Variants in MYRF observed in about 807,000 individuals in gnomAD.
The protein encoded by MYRF is myelin regulatory factor.
A neutral mutation model predicts 126.3 loss-of-function variants in MYRF; 16 were observed. The observed-to-expected ratio is 0.13, with a 90% CI of 0.09 to 0.19. The LOEUF is 0.19. Among genes scored for constraint, MYRF ranks in the 10% least tolerant of loss-of-function variants. MYRF has a pLI of 1.00. For missense variants in MYRF, 1,104 were observed against 1,547.0 expected (o/e 0.71, Z 4.80); for synonymous variants, 608 against 635.3 (o/e 0.96, Z 0.65).
intron 1 of MYRF, among the ~76,000 whole-genome samples, chr11:61,759,826 G>A (rs1411426802): frequency 6.6e-6 from 1 of 152,212 alleles, no homozygotes; most frequent in Non-Finnish European, 1.5e-5. Context: ...TCTTTGTCAG[G>A]TGTGGCTGCT....
chr11:61,765,858 C>A, intron 2 of MYRF, 100 bp from the exon 3 acceptor site: 1 of 1,446,176 alleles, frequency 6.9e-7, no homozygotes, highest in Non-Finnish European at 9.2e-7. Context: ...CAGCCACTGA[C>A]TCCTCCGAAA....
At position 61,786,341 on chromosome 11, in the gene MYRF, A is replaced by T; in HGVS notation, c.*198A>T. 1.6e-6 allele frequency: 1 copy of T among 610,936 alleles called. No individual in the cohort carries two copies. Among genetic ancestry groups the T allele is most frequent in the Non-Finnish European group, 2.9e-6 (1 of 345,162 alleles). 37.8% of individuals were successfully genotyped at this position (610,936 alleles called of 1,614,324 possible). ...GGTCGCCCCTCACGGCACAGAGGGA[A>T]CCTGAGAGCCAGAGACTTCTTGGGC... is the stretch of plus-strand genomic sequence containing the variant. On this transcript the variant is annotated 3_prime_UTR_variant, in exon 27 of 27. Transcript: ENST00000278836. The surrounding 1 kb of genome is among the most constrained non-coding windows in gnomAD (Gnocchi z 4.5).
intron 7 of MYRF, among the ~76,000 whole-genome samples, chr11:61,773,659 C>G (rs992285158): frequency 6.6e-6 from 1 of 152,168 alleles, no homozygotes; most frequent in Admixed American, 6.5e-5. Flanking sequence ...AGCCCTCCCC[C>G]ACTCAGGAGT....
intron 19 of MYRF, 84 bp downstream of exon 19, chr11:61,780,876 C>T: frequency 6.3e-7 from 1 of 1,583,622 alleles, no homozygotes; most frequent in East Asian, 2.3e-5. Context: ...CCTCTTCCTG[C>T]CCTCCTGCCT....
At chr11:61,768,197 G>A (rs2066117059) in intron 3 of MYRF, among the ~76,000 whole-genome samples, 1 of 152,086 alleles carries the variant, frequency 6.6e-6, no homozygotes, top group African/African-American at 2.4e-5. Context: ...ACTGGGGAGA[G>A]GTATTCACCA....
At position 61,778,943 on chromosome 11, in the gene MYRF, G is replaced by C. The variant is rs1477902716; in HGVS notation, c.2014-320G>C. The C allele has an allele frequency of 5.0e-6, 3 of 603,372 alleles. No individual in the cohort carries two copies. The highest frequency in any genetic ancestry group is 9.3e-6 in the Non-Finnish European group (3 of 321,858). 37.4% of individuals were successfully genotyped at this position (603,372 alleles called of 1,614,324 possible). On this transcript the variant is annotated intron_variant, in intron 14 of 26. Transcript: ENST00000278836. The surrounding 1 kb of genome is among the most constrained non-coding windows in gnomAD (Gnocchi z 4.6). ...CTGACATCTGAGACACCAGTCATCC[G>C]AGGGGCAGATCCCGGGGCTGCAGCC...
Position 61,766,125 on chromosome 11 carries a change from G to GCAA in MYRF, c.313_315dup (p.Asn105dup), listed in dbSNP as rs754990122. The GCAA allele has an allele frequency of 1.2e-6, 2 of 1,610,102 alleles. No individual in the cohort carries two copies. The highest frequency in any genetic ancestry group is 1.1e-5 in the South Asian group (1 of 91,074). ...CCGGGCTACGGCACCCCGCTGAACTGCAACAACAACAACGGCATGGGCGCT... is the reference window on the plus strand; with the variant it reads ...CCGGGCTACGGCACCCCGCTGAACTGCAACAACAACAACAACGGCATGGGCGCT... On this transcript the variant is annotated inframe_insertion, in exon 3 of 27. Transcript: ENST00000278836.
rs541612212 is a variant in MYRF, at chr11:61,777,519, G to A, written c.1791+55G>A. On this transcript the variant is annotated intron_variant, in intron 12 of 26. Transcript: ENST00000278836. This position sits in a 1 kb window ranked among gnomAD's most constrained non-coding sequence, Gnocchi z 8.8. The stretch of plus-strand genomic sequence containing the variant: ...GTCCAGACGCTGGAGCGGGCCGCGG[G>A]GGCGGGGCTCCTGGGGAGGGGGCGT... The A allele has an allele frequency of 5.2e-5, 80 of 1,531,196 alleles. No homozygotes were observed. Among genetic ancestry groups the A allele is most frequent in the Admixed American group, 2.8e-4 (14 of 50,668 alleles). The allele number at this position is 1,531,196 out of a possible 1,614,324, so 94.9% of individuals were successfully genotyped here. A position where few individuals can be genotyped will look rare whatever the true frequency, so the allele number is the denominator to read the frequency against.
chr11:61,783,903 CT>C lies in MYRF; in HGVS notation c.3173del (p.Leu1058ProfsTer3). On this transcript the variant is annotated frameshift_variant, in exon 24 of 27. Transcript: ENST00000278836. LOFTEE classifies it high-confidence loss of function. This position sits in a 1 kb window ranked among gnomAD's most constrained non-coding sequence, Gnocchi z 4.6. ...TGTCAGTAGTGGCACCCCACTGCACCTCAGCCTGACTCTGCAGATGAAGTGA... is the reference window on the plus strand; with the variant it reads ...TGTCAGTAGTGGCACCCCACTGCACCCAGCCTGACTCTGCAGATGAAGTGA... ...IPVSSGTPLH[L>X]SLTLQMNSSS... 6.2e-7 allele frequency: 1 copy of C among 1,607,466 alleles called. No individual in the cohort carries two copies. The highest frequency in any genetic ancestry group is 8.5e-7 in the Non-Finnish European group (1 of 1,176,576).
chr11:61,773,307 C>T (rs1022529223), intron 7 of MYRF, among the ~76,000 whole-genome samples: 2 of 152,248 alleles, frequency 1.3e-5, no homozygotes, highest in South Asian at 4.1e-4. Context: ...TTTTTACTGT[C>T]AACTAGAGGT....
At position 61,784,318 on chromosome 11, in the gene MYRF, G is replaced by A. The variant is rs780266914; in HGVS notation, c.3233G>A (p.Arg1078Lys). The change falls in exon 25 of 27, where the codon AGG (arginine) becomes AAG (lysine). Residue 1078 changes from arginine (R) to lysine (K), a missense_variant. Coordinates refer to ENST00000278836, the MANE Select transcript of MYRF (RefSeq NM_001127392.3). ...GTGTCTGTGGTGCTGTGCAGCCTGA[G>A]GTCAAAGGAGGAACCATGTGAGGAG... ...SPVSVVLCSLRSKEEPCEEGS... is the reference protein window; with the variant it reads ...SPVSVVLCSLKSKEEPCEEGS... 1.2e-6 allele frequency: 2 copies of A among 1,613,978 alleles called. No homozygotes were observed. The highest frequency in any genetic ancestry group is 2.2e-5 in the South Asian group (2 of 91,072).
In MYRF at chr11:61,783,794, TG is replaced by T; in HGVS notation, c.3120-52del. The T allele has an allele frequency of 1.3e-6, 2 of 1,518,798 alleles. No individual in the cohort carries two copies. Among genetic ancestry groups the T allele is most frequent in the Non-Finnish European group, 1.8e-6 (2 of 1,116,672 alleles). 94.1% of individuals were successfully genotyped at this position (1,518,798 alleles called of 1,614,324 possible). On this transcript the variant is annotated intron_variant, in intron 23 of 26. Transcript: ENST00000278836. This position sits in a 1 kb window ranked among gnomAD's most constrained non-coding sequence, Gnocchi z 4.6. ...AGATTGGGGGCTGAGGAGTCCCTGG[TG>T]GGGGTGGGGGGTGGCAGGGTACCCT...
In MYRF at chr11:61,771,575, T is replaced by G; in HGVS notation, c.816T>G (p.Asn272Lys). 1 of 1,613,850 alleles carries G rather than the reference T, an allele frequency of 6.2e-7. No homozygotes were observed. Among genetic ancestry groups the G allele is most frequent in the Non-Finnish European group, 8.5e-7 (1 of 1,179,932 alleles). ...GCACCCTCAATGCCCAGATGCTGAA[T>G]GGAATGATCAAACAGGAGCCTGGGA... is the stretch of plus-strand genomic sequence containing the variant. ...PPSTLNAQML[N>K]GMIKQEPGTV... Residue 272 changes from asparagine to lysine, a missense_variant, in exon 6 of 27, where the codon AAT (asparagine) becomes AAG (lysine). By Grantham distance (94) the Asn-to-Lys change is moderately conservative (BLOSUM62 0). This residue lies in a region of MYRF where 368 missense variants were observed against 403.9 expected (regional missense o/e 0.91). Coordinates refer to ENST00000278836, the MANE Select transcript of MYRF (RefSeq NM_001127392.3).
chr11:61,782,978 C>G (rs2066592586), intron 22 of MYRF: 2 of 153,160 alleles, frequency 1.3e-5, no homozygotes, highest in African/African-American at 2.4e-5. Context: ...CCTGTCTCCC[C>G]CATCTGACTT....
chr11:61,776,327 A>G lies in MYRF; in HGVS notation c.1394A>G (p.Asn465Ser), dbSNP rs150773605. 465 of 1,612,296 alleles carry G rather than the reference A, an allele frequency of 2.9e-4. 1 individual carries two copies. In the African/African-American group the frequency reaches 4.0e-3, roughly 14 times the overall value. Reference sequence around the variant, plus strand: ...ACCCTGCCTCTCCTCTGCAGGGTCAATCTGCCCCCTGAGCAGGTCACGAAG... The same window carrying G: ...ACCCTGCCTCTCCTCTGCAGGGTCAGTCTGCCCCCTGAGCAGGTCACGAAG... ...SKRPFNPVTV[N>S]LPPEQVTKVT... is the part of the protein sequence containing the mutation. Residue 465 changes from asparagine to serine, a missense_variant, in exon 10 of 27, where the codon AAT becomes AGT. Asn to Ser is a conservative substitution (Grantham distance 46). This residue lies in a region of MYRF where 23 missense variants were observed against 26.6 expected (regional missense o/e 0.86). Coordinates refer to ENST00000278836, the MANE Select transcript of MYRF (RefSeq NM_001127392.3). This position sits in a 1 kb window ranked among gnomAD's most constrained non-coding sequence, Gnocchi z 4.3.
intron 4 of MYRF, 42 bp from the exon 5 acceptor site, chr11:61,770,204 T>C: frequency 6.5e-7 from 1 of 1,539,548 alleles, no homozygotes; most frequent in Non-Finnish European, 8.8e-7. Flanking sequence ...GGAGCCTGAG[T>C]GAGGTTGGTC....
At chr11:61,775,856 G>C (rs950354939) in intron 8 of MYRF, among the ~76,000 whole-genome samples, 200 bp from the exon 9 acceptor site, 1 of 151,904 alleles carries the variant, frequency 6.6e-6, no homozygotes, top group Non-Finnish European at 1.5e-5. Flanking sequence ...GGGGTGAGGA[G>C]GGTGTGGGTG....
At chr11:61,781,539 C>T in intron 21 of MYRF, 34 bp from the exon 22 acceptor site, 1 of 1,595,270 alleles carries the variant, frequency 6.3e-7, no homozygotes, top group Non-Finnish European at 8.5e-7. Flanking sequence ...AGCCAGCTTC[C>T]AGCTTCTTAG....
At chr11:61,759,360 T>C (rs946178185) in intron 1 of MYRF, among the ~76,000 whole-genome samples, 1 of 152,156 alleles carries the variant, frequency 6.6e-6, no homozygotes. Flanking sequence ...GGCTAAAGAT[T>C]CTGGGTCTCC....
Sources: gnomAD v4.1 joint callset for allele counts (sites outside exome capture counted in the v4.1 genomes callset) on GRCh38, gnomAD v4.1.1 for gene constraint, gnomAD v4.1.1 regional missense constraint, Gnocchi (gnomAD v3.1) non-coding constraint, MANE v1.5 for transcripts, NCBI Gene and HGNC (gene_info 2026-07-23, HGNC 2026-07-21) for gene names.